PELI2: variants seen among roughly 807,000 people sequenced by gnomAD.
PELI2 encodes pellino E3 ubiquitin protein ligase family member 2.
Under a neutral mutation model 42.3 loss-of-function variants are expected in PELI2, and 23 were observed. The observed-to-expected ratio is 0.54, with a 90% CI of 0.39 to 0.77. The LOEUF is 0.77. Ranked by LOEUF, PELI2 falls within the 30% of genes least tolerant of loss-of-function variation. The pLI is 0.00. For missense variants in PELI2, 463 were observed against 553.2 expected (o/e 0.84, Z 1.64); for synonymous variants, 245 against 212.2 (o/e 1.15, Z -1.34).
At chr14:56,237,400 C>T (rs764158434) in intron 2 of PELI2, among the ~76,000 whole-genome samples, 2 of 152,174 alleles carry the variant, frequency 1.3e-5, no homozygotes, top group Non-Finnish European at 2.9e-5. Flanking sequence ...TTCACTTGTT[C>T]AGCATCCCAT....
intron 2 of PELI2, among the ~76,000 whole-genome samples, chr14:56,205,758 G>A (rs558542330): frequency 1.3e-5 from 2 of 152,274 alleles, no homozygotes; most frequent in African/African-American, 4.8e-5. Flanking sequence ...ACCTCTGATC[G>A]CTTTGAGGGC....
intron 2 of PELI2, among the ~76,000 whole-genome samples, chr14:56,194,863 T>C (rs1886076288): frequency 6.6e-6 from 1 of 152,132 alleles, no homozygotes; most frequent in Non-Finnish European, 1.5e-5. Context: ...TTGTAAAAGA[T>C]TAGTACATTT....
chr14:56,205,163 T>TG lies in PELI2; in HGVS notation c.207+26703dup, dbSNP rs1387019071. Among the ~76,000 whole-genome samples the TG allele has an allele frequency of 4.6e-5, 7 of 151,850 alleles. No individual in the cohort carries two copies. In the East Asian group the frequency reaches 1.2e-3, roughly 25 times the overall value. ...CAGTGCAAGGGTCATGGGGACCCTG[T>TG]GGGGTGCTCTTTGACTAGAACATGG... On this transcript the variant is annotated intron_variant, in intron 2 of 5. Coordinates refer to ENST00000267460, the MANE Select transcript of PELI2 (RefSeq NM_021255.3).
intron 2 of PELI2, among the ~76,000 whole-genome samples, chr14:56,245,642 T>G (rs1169291785): frequency 6.6e-6 from 1 of 152,108 alleles, no homozygotes; most frequent in Non-Finnish European, 1.5e-5. Context: ...TCTATAAAAA[T>G]GAGAATAGCC....
intron 1 of PELI2, among the ~76,000 whole-genome samples, chr14:56,136,889 T>C (rs1297716229): frequency 6.6e-6 from 1 of 152,200 alleles, no homozygotes; most frequent in Non-Finnish European, 1.5e-5. Flanking sequence ...CAGTTTCTTC[T>C]AGGATACATG....
At chr14:56,246,846 A>G (rs538015067) in intron 2 of PELI2, among the ~76,000 whole-genome samples, 41 of 152,254 alleles carry the variant, frequency 2.7e-4, no homozygotes, top group African/African-American at 9.6e-4. Context: ...TTTTTCTCAT[A>G]CTTACTATCT....
chr14:56,255,294 T>G (rs1442341569), intron 2 of PELI2, among the ~76,000 whole-genome samples: 1 of 152,186 alleles, frequency 6.6e-6, no homozygotes, highest in Non-Finnish European at 1.5e-5. Flanking sequence ...CACCATAGAA[T>G]ACTATGCAGC....
chr14:56,267,029 C>T (rs1276662940), intron 2 of PELI2, among the ~76,000 whole-genome samples: 1 of 151,948 alleles, frequency 6.6e-6, no homozygotes, highest in Non-Finnish European at 1.5e-5. Flanking sequence ...AGACTTTTCT[C>T]TGGAAGGATA....
At chr14:56,255,405 A>G (rs1270239235) in intron 2 of PELI2, among the ~76,000 whole-genome samples, 11 of 152,112 alleles carry the variant, frequency 7.2e-5, no homozygotes, top group Admixed American at 7.2e-4. Flanking sequence ...CAAACACCAC[A>G]TATTCTCACT....
At chr14:56,279,596 TG>T in intron 2 of PELI2, 79 bp from the exon 3 acceptor site, 1 of 742,992 alleles carries the variant, frequency 1.3e-6, no homozygotes, top group Non-Finnish European at 2.3e-6. Flanking sequence ...GCCAGTAGAG[TG>T]GTGGCTCATA....
At chr14:56,208,671 G>C (rs1886604378) in intron 2 of PELI2, among the ~76,000 whole-genome samples, 1 of 152,150 alleles carries the variant, frequency 6.6e-6, no homozygotes, top group Non-Finnish European at 1.5e-5. Flanking sequence ...CTCCACCCTT[G>C]AGTACTCACG....
At chr14:56,198,010 A>ACACACCCACACC (rs772024884) in intron 2 of PELI2, among the ~76,000 whole-genome samples, 5 of 114,618 alleles carry the variant, frequency 4.4e-5, no homozygotes, top group African/African-American at 1.5e-4. Context: ...ACACACACAC[A>ACACACCCACACC]CACCCACCTC....
intron 2 of PELI2, among the ~76,000 whole-genome samples, chr14:56,229,456 C>G (rs1467776164): frequency 6.6e-6 from 1 of 152,168 alleles, no homozygotes; most frequent in African/African-American, 2.4e-5. Context: ...TCTGCAGCCT[C>G]CACTGGTGAT....
intron 1 of PELI2, among the ~76,000 whole-genome samples, chr14:56,165,447 A>C (rs1249642095): frequency 6.6e-6 from 1 of 152,200 alleles, no homozygotes; most frequent in African/African-American, 2.4e-5. Context: ...GTTTTCAAAT[A>C]GCCTGTCTTC....
At chr14:56,147,597 C>G (rs1884176793) in intron 1 of PELI2, among the ~76,000 whole-genome samples, 1 of 152,092 alleles carries the variant, frequency 6.6e-6, no homozygotes, top group Non-Finnish European at 1.5e-5. Flanking sequence ...TATATTAATT[C>G]TTTTTATGAG....
At chr14:56,192,725 T>C (rs893043213) in intron 2 of PELI2, among the ~76,000 whole-genome samples, 1 of 152,240 alleles carries the variant, frequency 6.6e-6, no homozygotes, top group African/African-American at 2.4e-5. Flanking sequence ...TTGGGGACTA[T>C]AATGTTACTC....
intron 2 of PELI2, among the ~76,000 whole-genome samples, chr14:56,195,741 A>G (rs1405854228): frequency 6.6e-6 from 1 of 152,210 alleles, no homozygotes; most frequent in Non-Finnish European, 1.5e-5. Context: ...ACCGTTTGTT[A>G]AGTTTGGGAG....
At chr14:56,267,176 A>G (rs1888937020) in intron 2 of PELI2, among the ~76,000 whole-genome samples, 1 of 152,102 alleles carries the variant, frequency 6.6e-6, no homozygotes, top group South Asian at 2.1e-4. Context: ...CAAATCAGTC[A>G]AGAACCCGAG....
intron 5 of PELI2, among the ~76,000 whole-genome samples, chr14:56,293,634 G>A (rs950161626): frequency 2.0e-4 from 31 of 152,268 alleles, no homozygotes; most frequent in Admixed American, 7.8e-4. Context: ...CCAAGTCCAC[G>A]CTCTGCCCTC....
Sources: gnomAD v4.1 joint callset for allele counts (sites outside exome capture counted in the v4.1 genomes callset) on GRCh38, gnomAD v4.1.1 for gene constraint, MANE v1.5 for transcripts, NCBI Gene and HGNC (gene_info 2026-07-23, HGNC 2026-07-21) for gene names.